Variants in BRAF observed in about 807,000 individuals in gnomAD.
The protein encoded by BRAF is B-Raf proto-oncogene, serine/threonine kinase.
A neutral mutation model predicts 104.6 loss-of-function variants in BRAF; 16 were observed. The observed-to-expected ratio is 0.15, with a 90% CI of 0.10 to 0.23. The LOEUF (loss-of-function observed/expected upper bound fraction) is 0.23. Ranked by LOEUF, BRAF falls within the 10% of genes least tolerant of loss-of-function variation. BRAF has a pLI of 1.00. For missense variants in BRAF, 541 were observed against 937.3 expected (o/e 0.58, Z 5.52); for synonymous variants, 310 against 341.6 (o/e 0.91, Z 1.02).
the BRAF span, among the ~76,000 whole-genome samples, chr7:140,714,165 G>C: frequency 1.3e-5 from 2 of 152,168 alleles, no homozygotes; most frequent in African/African-American, 4.8e-5. Context: ...CCCATCTTCT[G>C]CATCGCTCAC....
intron 1 of BRAF, among the ~76,000 whole-genome samples, chr7:140,885,681 C>A (rs1282577631): frequency 2.0e-5 from 3 of 152,094 alleles, no homozygotes; most frequent in Admixed American, 1.3e-4. Context: ...ACACATAGTA[C>A]CTGGCACATA....
chr7:140,718,585 A>T (rs1421870476), downstream of BRAF, among the ~76,000 whole-genome samples: 2 of 150,130 alleles, frequency 1.3e-5, no homozygotes, highest in Non-Finnish European at 2.9e-5. Context: ...CAGTTTCACC[A>T]TGTTGGTCAG....
chr7:140,761,262 C>T (rs1436260309), intron 14 of BRAF, among the ~76,000 whole-genome samples: 2 of 152,092 alleles, frequency 1.3e-5, no homozygotes, highest in Non-Finnish European at 2.9e-5. Flanking sequence ...CAATTTTCAA[C>T]CCAGAATTTC....
At chr7:140,778,380 T>G (rs1300949533) in intron 12 of BRAF, among the ~76,000 whole-genome samples, 1 of 152,218 alleles carries the variant, frequency 6.6e-6, no homozygotes, top group East Asian at 1.9e-4. Flanking sequence ...TTTGACAATA[T>G]TAAATTATAC....
At chr7:140,740,666 AG>A (rs2130905796) in intron 17 of BRAF, 1 of 152,452 alleles carries the variant, frequency 6.6e-6, no homozygotes, top group South Asian at 2.1e-4. Flanking sequence ...TAGAGGGAAT[AG>A]GTGCAACAGG....
At chr7:140,915,972 C>T (rs940146532) in intron 1 of BRAF, among the ~76,000 whole-genome samples, 2 of 151,212 alleles carry the variant, frequency 1.3e-5, no homozygotes, top group African/African-American at 4.9e-5. Flanking sequence ...CACAGCATCT[C>T]TACCAAAACA....
At chr7:140,784,461 G>T (rs1562958363) in intron 10 of BRAF, among the ~76,000 whole-genome samples, 1 of 152,052 alleles carries the variant, frequency 6.6e-6, no homozygotes, top group Non-Finnish European at 1.5e-5. Flanking sequence ...ACTTAATTTA[G>T]TTGTATTACT....
rs537009643 is a variant in BRAF, at chr7:140,770,685, C to G, written c.1814+6227G>C. Among the ~76,000 whole-genome samples the G allele has an allele frequency of 7.9e-5, 12 of 152,146 alleles. No homozygotes were observed. The East Asian group carries it at 2.3e-3, about 29-fold the overall frequency. The stretch of plus-strand genomic sequence containing the variant: ...GTGCAGTGACTCACGCCTGTAATCC[C>G]AGCACTTTGGGAGGCCGAGGCGGGC... On this transcript the variant is annotated intron_variant, in intron 14 of 19. Transcript: ENST00000644969.
chr7:140,777,205 TA>T (rs1052238345), intron 13 of BRAF, 117 bp from the exon 13 acceptor site: 3,980 of 922,480 alleles, frequency 4.3e-3, no homozygotes, highest in African/African-American at 0.013. Context: ...TTTTTTTTTT[TA>T]AAAAAGGCAA....
chr7:140,753,301 G>T lies in BRAF; in HGVS notation c.1954C>A (p.Gln652Lys), dbSNP rs781529187. 1 of 1,611,660 alleles carries T rather than the reference G, an allele frequency of 6.2e-7. No individual in the cohort carries two copies. Among genetic ancestry groups the T allele is most frequent in the South Asian group, 1.1e-5 (1 of 91,034 alleles). The change falls in exon 16 of 20, where the codon CAG becomes AAG. Residue 652 changes from glutamine to lysine, a missense_variant. By Grantham distance (53) the Gln-to-Lys change is moderately conservative (BLOSUM62 1). Transcript: ENST00000644969. ...ATCCACAAAATGGATCCAGACAACT[G>T]TTCAAACTGATGGGACCCACTCCAT... The part of the protein sequence containing the change: ...SRWSGSHQFE[Q>K]LSGSILWMAP...
intron 17 of BRAF, chr7:140,747,531 A>C (rs1797452545): frequency 3.8e-6 from 2 of 526,820 alleles, no homozygotes; most frequent in Admixed American, 6.6e-5. Flanking sequence ...TCTATATTAT[A>C]ATTTTATTAT....
intron 7 of BRAF, among the ~76,000 whole-genome samples, chr7:140,797,378 T>C (rs186070564): frequency 6.6e-6 from 1 of 152,228 alleles, no homozygotes; most frequent in Non-Finnish European, 1.5e-5. Flanking sequence ...AATGTATTGC[T>C]TCTCCAATAT....
At position 140,781,697 on chromosome 7, in the gene BRAF, G is replaced by C. The variant is rs2129024004; in HGVS notation, c.1435-4C>G. On this transcript the variant is annotated splice_polypyrimidine_tract_variant and splice_region_variant and intron_variant, in intron 11 of 19. Transcript: ENST00000644969. ...AGTCCCGTCTACCAAGTGTTTTCTT[G>C]ATAAAAACAGTAAAAAAGTCAAGTC... is the stretch of plus-strand genomic sequence containing the variant. 6.2e-7 allele frequency: 1 copy of C among 1,611,534 alleles called. No homozygotes were observed. The highest frequency in any genetic ancestry group is 8.5e-7 in the Non-Finnish European group (1 of 1,177,882).
chr7:140,721,451 A>C lies in BRAF; in HGVS notation c.*5043T>G. 8.0e-7 allele frequency: 1 copy of C among 1,249,042 alleles called. No homozygotes were observed. The highest frequency in any genetic ancestry group is 1.0e-6 in the Non-Finnish European group (1 of 991,690). The allele number at this position is 1,249,042 out of a possible 1,614,324, so 77.4% of individuals were successfully genotyped here. ...AATTTCAATTTAAATGTCTTTGCCC[A>C]AACAAAAGTGAAAATAGGTTATTTG... is the stretch of plus-strand genomic sequence containing the variant. On this transcript the variant is annotated 3_prime_UTR_variant, in exon 20 of 20. Transcript: ENST00000644969.
intron 1 of BRAF, among the ~76,000 whole-genome samples, chr7:140,871,475 A>G (rs555475887): frequency 1.2e-4 from 19 of 152,296 alleles, no homozygotes; most frequent in Non-Finnish European, 2.5e-4. Flanking sequence ...CTCACTTAGT[A>G]GAACTAGAAA....
Position 140,800,165 on chromosome 7 carries a change from T to C in BRAF, c.980+197A>G, listed in dbSNP as rs543466925. ...ATATTGATTTTTTCAGGACTGATTCTGAAATAGTCTATGTCAGCTTTAATC... is the reference window on the plus strand; with the variant it reads ...ATATTGATTTTTTCAGGACTGATTCCGAAATAGTCTATGTCAGCTTTAATC... On this transcript the variant is annotated intron_variant, in intron 7 of 19. Coordinates refer to ENST00000644969, the MANE Select transcript of BRAF (RefSeq NM_001374258.1). 23 of 843,634 alleles carry C rather than the reference T, an allele frequency of 2.7e-5. No individual in the cohort carries two copies. The African/African-American group carries it at 3.7e-4, about 14-fold the overall frequency. 52.3% of individuals were successfully genotyped at this position (843,634 alleles called of 1,614,324 possible).
At chr7:140,923,003 T>C (rs986257496) in intron 1 of BRAF, among the ~76,000 whole-genome samples, 2 of 152,198 alleles carry the variant, frequency 1.3e-5, no homozygotes, top group African/African-American at 2.4e-5. Context: ...TAAGCAAAAA[T>C]GCATACTGAA....
intron 15 of BRAF, chr7:140,753,954 C>A: frequency 3.5e-6 from 2 of 567,828 alleles, no homozygotes; most frequent in Admixed American, 6.1e-5. Flanking sequence ...ATCAAAAACT[C>A]CTACTATTGT....
chr7:140,887,436 AC>A (rs1445333990), intron 1 of BRAF, among the ~76,000 whole-genome samples: 4 of 152,122 alleles, frequency 2.6e-5, no homozygotes, highest in Non-Finnish European at 4.4e-5. Context: ...ACCTAATCTG[AC>A]CGCAAATATT....
Sources: gnomAD v4.1 joint callset for allele counts (sites outside exome capture counted in the v4.1 genomes callset) on GRCh38, gnomAD v4.1.1 for gene constraint, MANE v1.5 for transcripts, NCBI Gene and HGNC (gene_info 2026-07-23, HGNC 2026-07-21) for gene names.